Variants in MTFR1 observed in about 807,000 individuals in gnomAD.
The protein encoded by MTFR1 is chondrocyte protein with a poly-proline region.
In MTFR1, 28 loss-of-function variants were observed where a neutral mutation model predicts 38.8. The ratio of observed to expected loss-of-function variants is 0.72; its 90% confidence interval spans 0.53 to 0.99. The LOEUF (loss-of-function observed/expected upper bound fraction) is 0.99. MTFR1 is among the 50% of genes least tolerant of loss of function. The pLI is 0.00. For synonymous variants in MTFR1, 145 were observed against 137.0 expected, an observed-to-expected ratio of 1.06 and a Z score of -0.41; for missense variants, 358 against 395.5, an observed-to-expected ratio of 0.91 and a Z score of 0.81.
intron 4 of MTFR1, among the ~76,000 whole-genome samples, chr8:65,702,943 G>C (rs1204489674): frequency 6.6e-6 from 1 of 152,270 alleles, no homozygotes; most frequent in Non-Finnish European, 1.5e-5. Context: ...GTAAGAACCT[G>C]TGTGCCTTAG....
chr8:65,664,907 T>G (rs568925906), intron 1 of MTFR1, among the ~76,000 whole-genome samples: 56 of 151,496 alleles, frequency 3.7e-4, no homozygotes, highest in African/African-American at 1.3e-3. Flanking sequence ...ATTTGACATT[T>G]TAGTTTTTCA....
Position 65,696,305 on chromosome 8 carries a change from TA to T in MTFR1, c.281+2548del, listed in dbSNP as rs558410711. 8.2e-3 allele frequency among the ~76,000 whole-genome samples: 1,244 copies of T among 152,368 alleles called. 11 individuals carry two copies. Among genetic ancestry groups the T allele is most frequent in the Non-Finnish European group, 0.013 (872 of 68,026 alleles). On this transcript the variant is annotated intron_variant, in intron 4 of 7. Transcript: ENST00000262146. ...TAGCAGGTAAAGAGCCTTTCTTTTT[TA>T]AGATGTTTATTTTATTTAAACTTTT... is the stretch of plus-strand genomic sequence containing the variant.
downstream of MTFR1, among the ~76,000 whole-genome samples, chr8:65,775,554 G>C (rs984301239): frequency 6.6e-6 from 1 of 152,156 alleles, no homozygotes; most frequent in African/African-American, 2.4e-5. Context: ...AGGTGGCCAG[G>C]CCTTTTTGTT....
At chr8:65,735,011 C>G (rs550259405) in intron 3 of MTFR1, 10 of 671,422 alleles carry the variant, frequency 1.5e-5, no homozygotes, top group Non-Finnish European at 2.7e-5. Flanking sequence ...CGGCTAAAAT[C>G]GTGCCGATTC....
rs1367766961 is a variant in MTFR1, at chr8:65,709,468, A to C, written c.*424A>C. On this transcript the variant is annotated 3_prime_UTR_variant, in exon 8 of 8. Transcript: ENST00000262146. Reference sequence around the variant, plus strand: ...AGTAATGAATGATGGCAACGAGGGCACTGTTATCTTCGTTTGTTTTCAATG... The same window carrying C: ...AGTAATGAATGATGGCAACGAGGGCCCTGTTATCTTCGTTTGTTTTCAATG... The C allele has an allele frequency of 6.4e-6, 1 of 156,184 alleles. No individual in the cohort carries two copies. The highest frequency in any genetic ancestry group is 1.4e-5 in the Non-Finnish European group (1 of 70,458). 9.7% of individuals were successfully genotyped at this position (156,184 alleles called of 1,614,324 possible).
At chr8:65,737,177 A>T (rs1029268232) in intron 3 of MTFR1, among the ~76,000 whole-genome samples, 1 of 152,132 alleles carries the variant, frequency 6.6e-6, no homozygotes, top group Non-Finnish European at 1.5e-5. Context: ...GTATAGAGCC[A>T]AAGCCATTCC....
chr8:65,703,157 G>A (rs1345013621), intron 4 of MTFR1, among the ~76,000 whole-genome samples: 1 of 151,620 alleles, frequency 6.6e-6, no homozygotes, highest in Non-Finnish European at 1.5e-5. Flanking sequence ...ACTTTGGGAG[G>A]CTTGAGGCCA....
intron 3 of MTFR1, among the ~76,000 whole-genome samples, chr8:65,730,186 T>C (rs1234856353): frequency 3.7e-5 from 5 of 135,876 alleles, no homozygotes; most frequent in South Asian, 2.5e-4. Flanking sequence ...TTTTTTTTTT[T>C]TTTTTTTTTT....
At chr8:65,718,628 G>C (rs1407667086) in intron 2 of MTFR1, 1 of 152,432 alleles carries the variant, frequency 6.6e-6, no homozygotes, top group African/African-American at 2.4e-5. Context: ...GGTACTCTAC[G>C]ATAAATGCTC....
intron 3 of MTFR1, among the ~76,000 whole-genome samples, chr8:65,737,370 G>C (rs1253146806): frequency 1.3e-5 from 2 of 152,062 alleles, no homozygotes; most frequent in Admixed American, 1.3e-4. Flanking sequence ...ATAATTGCCA[G>C]TATAGCTACT....
intron 3 of MTFR1, among the ~76,000 whole-genome samples, chr8:65,732,265 C>T (rs561068144): frequency 6.6e-6 from 1 of 152,268 alleles, no homozygotes; most frequent in South Asian, 2.1e-4. Flanking sequence ...TCCCAAAATG[C>T]TGGGATTACA....
rs2129051156 is a variant in MTFR1, at chr8:65,670,036, A to T, written c.66+18A>T. On this transcript the variant is annotated intron_variant, in intron 2 of 7. Transcript: ENST00000262146. ...TGCAATCGGTGAGTGCTCAAAATTCATTTTTTAAATCCCGACATTTAGATA... is the reference window on the plus strand; with the variant it reads ...TGCAATCGGTGAGTGCTCAAAATTCTTTTTTTAAATCCCGACATTTAGATA... The T allele has an allele frequency of 6.3e-7, 1 of 1,576,512 alleles. No homozygotes were observed. The highest frequency in any genetic ancestry group is 8.6e-7 in the Non-Finnish European group (1 of 1,168,308).
intron 3 of MTFR1, chr8:65,728,402 T>C (rs1218943509): frequency 6.6e-6 from 1 of 152,230 alleles, no homozygotes; most frequent in Non-Finnish European, 1.5e-5. Flanking sequence ...GTTAAGTTCA[T>C]CTCAGTCAGA....
In MTFR1 at chr8:65,683,120, G is replaced by C. The variant is rs111416478; in HGVS notation, c.165+669G>C. Reference sequence around the variant, plus strand: ...GCTATTTTCCTTGATTTGTACTTTTGTTTCTTTCTTTCTTTTTTTTTTTTT... The same window carrying C: ...GCTATTTTCCTTGATTTGTACTTTTCTTTCTTTCTTTCTTTTTTTTTTTTT... On this transcript the variant is annotated intron_variant, in intron 3 of 7. Coordinates refer to ENST00000262146, the MANE Select transcript of MTFR1 (RefSeq NM_014637.4). Among the ~76,000 whole-genome samples the C allele has an allele frequency of 2.2e-3, 302 of 138,918 alleles. 1 individual carries two copies. The highest frequency in any genetic ancestry group is 7.8e-3 in the African/African-American group (293 of 37,774). The allele number at this position is 138,918 out of a possible 152,430, so 91.1% of individuals were successfully genotyped here. A position where few individuals can be genotyped will look rare whatever the true frequency, so the allele number is the denominator to read the frequency against.
chr8:65,645,091 T>A (rs1808914462), intron 1 of MTFR1, among the ~76,000 whole-genome samples: 1 of 151,530 alleles, frequency 6.6e-6, no homozygotes, highest in Non-Finnish European at 1.5e-5. Flanking sequence ...TCCTGCCCCC[T>A]CCCCCGACCT....
chr8:65,717,442 C>T (rs1806187304), intron 2 of MTFR1: 1 of 152,222 alleles, frequency 6.6e-6, no homozygotes, highest in Non-Finnish European at 1.5e-5. Flanking sequence ...CAGTTCACCA[C>T]TGTAGGAACA....
At chr8:65,730,211 G>A (rs183948498) in intron 3 of MTFR1, among the ~76,000 whole-genome samples, 48 of 98,320 alleles carry the variant, frequency 4.9e-4, no homozygotes, top group African/African-American at 1.6e-3. Context: ...ATGGAGTTTC[G>A]CTCTTGTTGC....
At chr8:65,766,881 G>A (rs1199219751) in intron 3 of MTFR1, among the ~76,000 whole-genome samples, 1 of 152,140 alleles carries the variant, frequency 6.6e-6, no homozygotes, top group East Asian at 1.9e-4. Context: ...GCAGGTCTGA[G>A]GATTAGGAAT....
At chr8:65,755,804 T>C (rs1808210889) in intron 3 of MTFR1, among the ~76,000 whole-genome samples, 1 of 152,194 alleles carries the variant, frequency 6.6e-6, no homozygotes, top group South Asian at 2.1e-4. Context: ...CTTATTCTCT[T>C]TGAAATGGAG....
Sources: gnomAD v4.1 joint callset for allele counts (sites outside exome capture counted in the v4.1 genomes callset) on GRCh38, gnomAD v4.1.1 for gene constraint, MANE v1.5 for transcripts, NCBI Gene and HGNC (gene_info 2026-07-23, HGNC 2026-07-21) for gene names.